Variants in BMPR1B observed in about 807,000 individuals in gnomAD.
BMPR1B encodes the protein bone morphogenetic protein receptor type-1B.
In BMPR1B, 12 loss-of-function variants were observed where a neutral mutation model predicts 59.1. That is an observed-to-expected ratio of 0.20 (90% CI 0.13 to 0.33). BMPR1B has a LOEUF of 0.33. Ranked by LOEUF, BMPR1B falls within the 10% of genes least tolerant of loss-of-function variation. BMPR1B has a pLI of 1.00. For synonymous variants in BMPR1B, 237 were observed against 207.3 expected, an observed-to-expected ratio of 1.14 and a Z score of -1.23; for missense variants, 550 against 610.9, an observed-to-expected ratio of 0.90 and a Z score of 1.05.
intron 1 of BMPR1B, among the ~76,000 whole-genome samples, chr4:94,774,310 TA>T (rs201649195): frequency 0.012 from 1,852 of 152,194 alleles, 43 homozygotes; most frequent in Admixed American, 0.055. Flanking sequence ...CACTAAAAAC[TA>T]CAGAGTTGCT....
At chr4:94,973,305 G>T (rs369445060) in intron 2 of BMPR1B, among the ~76,000 whole-genome samples, 20 of 152,256 alleles carry the variant, frequency 1.3e-4, no homozygotes, top group African/African-American at 4.8e-4. Flanking sequence ...CACACTCATG[G>T]CTCCTGAGCT....
intron 1 of BMPR1B, among the ~76,000 whole-genome samples, chr4:94,811,479 G>A (rs58150305): frequency 0.038 from 5,807 of 152,156 alleles, 286 homozygotes; most frequent in East Asian, 0.16. Flanking sequence ...CTGTTTGCTC[G>A]AATAGCTGTA....
At chr4:94,844,202 C>T (rs1725220216) in intron 1 of BMPR1B, among the ~76,000 whole-genome samples, 2 of 151,160 alleles carry the variant, frequency 1.3e-5, no homozygotes, top group South Asian at 4.2e-4. Context: ...ACTAATGTAG[C>T]CATTCTATTC....
At chr4:94,773,563 T>G (rs753744160) in intron 1 of BMPR1B, among the ~76,000 whole-genome samples, 5 of 152,122 alleles carry the variant, frequency 3.3e-5, no homozygotes, top group Non-Finnish European at 7.4e-5. Flanking sequence ...ACTGTATTCT[T>G]TTCTTAGAAT....
At chr4:94,985,981 G>C (rs989009776) in intron 2 of BMPR1B, among the ~76,000 whole-genome samples, 3 of 152,142 alleles carry the variant, frequency 2.0e-5, no homozygotes, top group Admixed American at 6.5e-5. Flanking sequence ...CCTTAGACAT[G>C]TTTTTGAGGT....
intron 2 of BMPR1B, among the ~76,000 whole-genome samples, chr4:94,895,399 C>CT (rs1225258828): frequency 4.0e-5 from 6 of 151,068 alleles, no homozygotes; most frequent in African/African-American, 1.2e-4. Context: ...AAATGTTTGT[C>CT]TTTTTTTTAA....
At chr4:95,111,821 C>T (rs535204280) in intron 4 of BMPR1B, among the ~76,000 whole-genome samples, 4 of 152,036 alleles carry the variant, frequency 2.6e-5, no homozygotes, top group African/African-American at 9.7e-5. Context: ...GTATAATCAT[C>T]CAAGAATTGT....
intron 1 of BMPR1B, among the ~76,000 whole-genome samples, chr4:94,768,002 A>G (rs2110565558): frequency 6.6e-6 from 1 of 152,216 alleles, no homozygotes; most frequent in Admixed American, 6.5e-5. Flanking sequence ...CTTCTTCCAA[A>G]AAATGTTTCA....
intron 2 of BMPR1B, among the ~76,000 whole-genome samples, chr4:94,970,460 C>T (rs1160788811): frequency 2.6e-5 from 4 of 151,842 alleles, no homozygotes; most frequent in African/African-American, 4.8e-5. Context: ...GGACTACAGG[C>T]GCGCCACCAT....
At chr4:95,051,429 A>G (rs1284215516) in intron 3 of BMPR1B, among the ~76,000 whole-genome samples, 1 of 152,142 alleles carries the variant, frequency 6.6e-6, no homozygotes, top group African/African-American at 2.4e-5. Context: ...TTGTGTGGGC[A>G]GCTGGGTCAG....
chr4:95,122,185 A>G (rs1298108927), intron 6 of BMPR1B, among the ~76,000 whole-genome samples: 1 of 152,120 alleles, frequency 6.6e-6, no homozygotes, highest in Non-Finnish European at 1.5e-5. Flanking sequence ...AAGCATACAA[A>G]AATAAGTGGG....
chr4:95,058,417 G>A (rs1005826627), intron 3 of BMPR1B, among the ~76,000 whole-genome samples: 5 of 152,104 alleles, frequency 3.3e-5, no homozygotes, highest in Non-Finnish European at 7.4e-5. Context: ...AGTCATATTG[G>A]TGTCTTCACA....
At chr4:94,797,307 T>C (rs1373679739) in intron 1 of BMPR1B, among the ~76,000 whole-genome samples, 1 of 152,174 alleles carries the variant, frequency 6.6e-6, no homozygotes, top group Non-Finnish European at 1.5e-5. Flanking sequence ...GAGATTTGGG[T>C]GGGGACAGAG....
At chr4:95,095,540 C>T (rs1730307803) in intron 3 of BMPR1B, among the ~76,000 whole-genome samples, 1 of 151,976 alleles carries the variant, frequency 6.6e-6, no homozygotes, top group Admixed American at 6.6e-5. Flanking sequence ...CTCTTCTTGC[C>T]CCTGCCTGCC....
intron 2 of BMPR1B, among the ~76,000 whole-genome samples, chr4:94,955,904 C>G: frequency 6.6e-6 from 1 of 152,036 alleles, no homozygotes; most frequent in Admixed American, 6.5e-5. Context: ...GCTGGGATTA[C>G]TACAGGCTTT....
chr4:94,946,867 A>G (rs75030937), intron 2 of BMPR1B, among the ~76,000 whole-genome samples: 8 of 152,136 alleles, frequency 5.3e-5, no homozygotes, highest in South Asian at 2.1e-4. Flanking sequence ...CCTGGGCAAC[A>G]TGGTGAAACC....
rs193280050 is a variant in BMPR1B at position 94,840,766 on chromosome 4, C to G, written c.-182-35065C>G. On this transcript the variant is annotated intron_variant, in intron 1 of 12. Transcript: ENST00000515059. The stretch of plus-strand genomic sequence containing the variant: ...CTGAAGCCTTCTTCTCTCAACTTGT[C>G]AAAGTCGTTCTCCGTCCAGCTTTGT... 6.9e-3 allele frequency among the ~76,000 whole-genome samples: 1,023 copies of G among 148,950 alleles called. 44 individuals carry two copies. Among genetic ancestry groups the G allele is most frequent in the African/African-American group, 0.024 (954 of 40,454 alleles).
At chr4:94,783,427 A>T (rs1722652823) in intron 1 of BMPR1B, among the ~76,000 whole-genome samples, 1 of 152,188 alleles carries the variant, frequency 6.6e-6, no homozygotes, top group South Asian at 2.1e-4. Context: ...TTGTTTCTAG[A>T]GTACCCTTAG....
intron 11 of BMPR1B, among the ~76,000 whole-genome samples, chr4:95,152,172 A>G (rs1035828701): frequency 7.2e-5 from 11 of 152,134 alleles, no homozygotes; most frequent in African/African-American, 2.4e-4. Context: ...CATTCCTACA[A>G]TTAAGCAGAA....
Sources: gnomAD v4.1 joint callset for allele counts (sites outside exome capture counted in the v4.1 genomes callset) on GRCh38, gnomAD v4.1.1 for gene constraint, MANE v1.5 for transcripts, NCBI Gene and HGNC (gene_info 2026-07-23, HGNC 2026-07-21) for gene names.